FARS2: variants seen among roughly 807,000 people sequenced by gnomAD.
FARS2 encodes the protein phenylalanine--tRNA ligase, mitochondrial.
FARS2 carries 40 observed loss-of-function variants against 46.4 expected under a neutral mutation model. The ratio of observed to expected loss-of-function variants is 0.86; its 90% CI spans 0.67 to 1.12. The LOEUF is 1.12. Ranked by LOEUF, FARS2 falls within the 50% of genes most tolerant of loss-of-function variation. The probability of loss-of-function intolerance (pLI) is 0.00; values close to 1 mark genes in which losing one functional copy is unlikely to be tolerated. For synonymous variants in FARS2, 234 were observed against 214.9 expected (o/e 1.09, Z -0.78); for missense variants, 513 against 567.9 (o/e 0.90, Z 0.98).
chr6:5,623,740 T>C (rs1775895682), intron 6 of FARS2, among the ~76,000 whole-genome samples: 1 of 151,512 alleles, frequency 6.6e-6, no homozygotes, highest in Non-Finnish European at 1.5e-5. Context: ...AAATAAAGAC[T>C]TTGTAAAGTG....
chr6:5,294,171 C>T (rs1425215482), intron 1 of FARS2, among the ~76,000 whole-genome samples: 1 of 152,070 alleles, frequency 6.6e-6, no homozygotes, highest in African/African-American at 2.4e-5. Flanking sequence ...TCAGTTTAGC[C>T]ACTTATTGTA....
chr6:5,473,085 C>A (rs770286032), intron 4 of FARS2, among the ~76,000 whole-genome samples: 1 of 152,096 alleles, frequency 6.6e-6, no homozygotes, highest in African/African-American at 2.4e-5. Flanking sequence ...GTTTTGTTCT[C>A]GTTTAGATGT....
chr6:5,317,890 G>A (rs1769650777), intron 1 of FARS2, among the ~76,000 whole-genome samples: 1 of 152,084 alleles, frequency 6.6e-6, no homozygotes, highest in Admixed American at 6.6e-5. Context: ...CCAGGAAACG[G>A]GTCCCTGTGC....
chr6:5,307,819 A>G (rs886801768), intron 1 of FARS2, among the ~76,000 whole-genome samples: 1 of 152,158 alleles, frequency 6.6e-6, no homozygotes, highest in South Asian at 2.1e-4. Flanking sequence ...ACACGGGGCT[A>G]GGACACAAGC....
chr6:5,751,704 C>A (rs143094282), intron 6 of FARS2, among the ~76,000 whole-genome samples: 1 of 152,212 alleles, frequency 6.6e-6, no homozygotes, highest in East Asian at 1.9e-4. Context: ...GTCCTCCCCA[C>A]GCCCTTGTTC....
At chr6:5,290,320 G>A (rs942662546) in intron 1 of FARS2, among the ~76,000 whole-genome samples, 21 of 152,108 alleles carry the variant, frequency 1.4e-4, no homozygotes, top group African/African-American at 4.3e-4. Flanking sequence ...TTCACTTTTT[G>A]TACAAAGCTG....
chr6:5,392,297 T>C (rs1760568979), intron 2 of FARS2, among the ~76,000 whole-genome samples: 1 of 152,208 alleles, frequency 6.6e-6, no homozygotes, highest in Non-Finnish European at 1.5e-5. Flanking sequence ...TGATTAGTCT[T>C]GTTCTTCTGT....
At chr6:5,726,114 C>T (rs576355994) in intron 6 of FARS2, among the ~76,000 whole-genome samples, 1 of 152,292 alleles carries the variant, frequency 6.6e-6, no homozygotes, top group East Asian at 1.9e-4. Flanking sequence ...AAAACGGCAC[C>T]TGCACTGTGT....
chr6:5,585,672 T>C (rs1249125781), intron 5 of FARS2, among the ~76,000 whole-genome samples: 2 of 151,950 alleles, frequency 1.3e-5, no homozygotes, highest in Non-Finnish European at 2.9e-5. Flanking sequence ...GGCTGAATAA[T>C]AGTCTAATAT....
Position 5,771,393 on chromosome 6 carries a change from T to C in FARS2, c.1320T>C (p.Ala440=), listed in dbSNP as rs201607143. The C allele has an allele frequency of 6.2e-7, 1 of 1,614,218 alleles. No individual in the cohort carries two copies. Among genetic ancestry groups the C allele is most frequent in the African/African-American group, 1.3e-5 (1 of 75,066 alleles). ...ACATCCACCAGGCCTTGCAGGAGGC[T>C]GCAGTCCAGCTGTTGGGTGTGGAGG... ...VRHIHQALQE[A]AVQLLGVEGR... The change falls in exon 7 of 7, where the codon GCT becomes GCC. Residue 440 remains alanine (A), a synonymous_variant. Transcript: ENST00000274680.
intron 6 of FARS2, among the ~76,000 whole-genome samples, chr6:5,651,116 G>A (rs944713490): frequency 2.6e-5 from 4 of 152,192 alleles, no homozygotes; most frequent in African/African-American, 4.8e-5. Flanking sequence ...ACTAAGTGAC[G>A]GGGAGAGGAG....
chr6:5,437,718 A>G (rs1763606300), intron 4 of FARS2, among the ~76,000 whole-genome samples: 1 of 152,108 alleles, frequency 6.6e-6, no homozygotes, highest in South Asian at 2.1e-4. Context: ...CATATATTAC[A>G]TCTACATACA....
intron 4 of FARS2, among the ~76,000 whole-genome samples, chr6:5,472,155 CTAAT>C (rs2150322583): frequency 6.6e-6 from 1 of 152,310 alleles, no homozygotes; most frequent in East Asian, 1.9e-4. Context: ...CGACGCATGA[CTAAT>C]AGGATTGGGG....
chr6:5,260,611 G>GCCCCCCCCC, upstream of FARS2: 13 of 1,377,678 alleles, frequency 9.4e-6, no homozygotes, highest in African/African-American at 1.5e-5. Context: ...CCGGCCCCTG[G>GCCCCCCCCC]CCCCCCGCCC....
At chr6:5,609,514 C>G in intron 5 of FARS2, 1 of 1,234,002 alleles carries the variant, frequency 8.1e-7, no homozygotes, top group Non-Finnish European at 1.2e-6. Context: ...CCAAAGCCAC[C>G]ATGACCACTG....
intron 4 of FARS2, among the ~76,000 whole-genome samples, chr6:5,518,071 G>T (rs1561679765): frequency 6.6e-6 from 1 of 152,164 alleles, no homozygotes; most frequent in Non-Finnish European, 1.5e-5. Flanking sequence ...GAGTCATGAG[G>T]TCATGTTTGC....
chr6:5,707,155 A>C (rs1256772139), intron 6 of FARS2, among the ~76,000 whole-genome samples: 1 of 152,134 alleles, frequency 6.6e-6, no homozygotes, highest in Non-Finnish European at 1.5e-5. Context: ...GAAAGGAATG[A>C]ATGTGTCTGT....
intron 4 of FARS2, among the ~76,000 whole-genome samples, chr6:5,543,596 C>T (rs12197357): frequency 0.17 from 26,147 of 152,086 alleles, 3,101 homozygotes; most frequent in Non-Finnish European, 0.25. Flanking sequence ...CTCCTGACCT[C>T]GTGATCTGCC....
intron 6 of FARS2, among the ~76,000 whole-genome samples, chr6:5,710,657 G>A (rs964274166): frequency 2.4e-4 from 36 of 152,216 alleles, no homozygotes; most frequent in African/African-American, 8.4e-4. Flanking sequence ...TCTGGGACGC[G>A]GAAGCATCTG....
Sources: gnomAD v4.1 joint callset for allele counts (sites outside exome capture counted in the v4.1 genomes callset) on GRCh38, gnomAD v4.1.1 for gene constraint, MANE v1.5 for transcripts, NCBI Gene and HGNC (gene_info 2026-07-23, HGNC 2026-07-21) for gene names.